Variants in CYP26A1 observed in about 807,000 individuals in gnomAD.
CYP26A1 encodes cytochrome P450 family 26 subfamily A member 1, also known as cytochrome P450 26A1.
A neutral mutation model predicts 47.4 loss-of-function variants in CYP26A1; 46 were observed. The observed-to-expected ratio is 0.97, with a 90% confidence interval of 0.77 to 1.24. The LOEUF (loss-of-function observed/expected upper bound fraction) is 1.24, where lower values mean the gene tolerates loss of function less well. Among genes scored for constraint, CYP26A1 ranks in the 50% most tolerant of loss-of-function variants. The probability of loss-of-function intolerance (pLI) is 0.00; values close to 1 mark genes in which losing one functional copy is unlikely to be tolerated. For missense variants in CYP26A1, 680 were observed against 644.4 expected (o/e 1.06, Z -0.60); for synonymous variants, 277 against 263.7 (o/e 1.05, Z -0.49).
chr10:93,077,326 G>T lies in CYP26A1; in HGVS notation c.*22G>T. ...CTGATGAGCTTGAATGTTCAAACCT[G>T]AGACTTATTGGAAGTGTACATATGA... On this transcript the variant is annotated 3_prime_UTR_variant, in exon 7 of 7. Transcript: ENST00000224356. 1 of 1,393,736 alleles carries T rather than the reference G, an allele frequency of 7.2e-7. No homozygotes were observed. The highest frequency in any genetic ancestry group is 9.7e-7 in the Non-Finnish European group (1 of 1,033,254). The allele number at this position is 1,393,736 out of a possible 1,614,324, so 86.3% of individuals were successfully genotyped here.
chr10:93,073,999 T>G lies in CYP26A1; in HGVS notation c.65T>G (p.Leu22Arg). The change falls in exon 1 of 7, where the codon CTG becomes CGG. Residue 22 changes from leucine to arginine, a missense_variant. By Grantham distance (102) the Leu-to-Arg change is moderately radical (BLOSUM62 -2). Coordinates refer to ENST00000224356, the MANE Select transcript of CYP26A1 (RefSeq NM_000783.4). ...TTCGTGCTGCCGCTGCTGCTCTTCC[T>G]GGCTGCGATCAAGCTCTGGGACCTG... Reference protein sequence around the residue: ...CTFVLPLLLFLAAIKLWDLYC... With the variant: ...CTFVLPLLLFRAAIKLWDLYC... The G allele has an allele frequency of 6.3e-7, 1 of 1,582,188 alleles. No homozygotes were observed.
chr10:93,075,166 C>A lies in CYP26A1; in HGVS notation c.723C>A (p.Asn241Lys). 1.2e-6 allele frequency: 2 copies of A among 1,613,592 alleles called. No individual in the cohort carries two copies. Among genetic ancestry groups the A allele is most frequent in the Non-Finnish European group, 1.7e-6 (2 of 1,179,912 alleles). Residue 241 changes from asparagine to lysine, a missense_variant, in exon 4 of 7, where the codon AAC (asparagine) becomes AAA (lysine). Physicochemically the swap from Asn to Lys is moderately conservative, Grantham distance 94. Coordinates refer to ENST00000224356, the MANE Select transcript of CYP26A1 (RefSeq NM_000783.4). The stretch of plus-strand genomic sequence containing the variant: ...GCGCTCAGGGCATGAAGGCGCGGAA[C>A]CTCATTCACGCGCGCATCGAGCAGA... ...SGLYRGMKAR[N>K]LIHARIEQNI...
intron 5 of CYP26A1, 146 bp downstream of exon 5, chr10:93,076,106 T>C: frequency 1.6e-6 from 1 of 638,488 alleles, no homozygotes. Flanking sequence ...TGGGCAGAAT[T>C]AGCTTTGTGA....
At position 93,074,416 on chromosome 10, in the gene CYP26A1, A is replaced by G. The variant is rs1323983751; in HGVS notation, c.298A>G (p.Ile100Val). 1.2e-6 allele frequency: 2 copies of G among 1,612,038 alleles called. No individual in the cohort carries two copies. Among genetic ancestry groups the G allele is most frequent in the East Asian group, 2.2e-5 (1 of 44,864 alleles). The change falls in exon 2 of 7, where the codon ATC (isoleucine) becomes GTC (valine). Residue 100 changes from isoleucine to valine, a missense_variant. By Grantham distance (29) the Ile-to-Val change is conservative (BLOSUM62 3). Coordinates refer to ENST00000224356, the MANE Select transcript of CYP26A1 (RefSeq NM_000783.4). The surrounding 1 kb of genome is among the most constrained non-coding windows in gnomAD (Gnocchi z 5.3). ...RVMGADNVRR[I>V]LLGEHRLVSV... ...GATGGGCGCGGACAATGTGCGGCGCATCTTGCTCGGAGAGCACCGGCTGGT... is the reference window on the plus strand; with the variant it reads ...GATGGGCGCGGACAATGTGCGGCGCGTCTTGCTCGGAGAGCACCGGCTGGT...
At position 93,074,940 on chromosome 10, in the gene CYP26A1, C is replaced by A. The variant is rs1846953607; in HGVS notation, c.576C>A (p.Ile192=). 3.7e-6 allele frequency: 6 copies of A among 1,613,322 alleles called. No individual in the cohort carries two copies. In the East Asian group the frequency reaches 1.3e-4, roughly 36 times the overall value. Residue 192 remains isoleucine, a synonymous_variant, in exon 3 of 7, where the codon ATC becomes ATA. Transcript: ENST00000224356. This position sits in a 1 kb window ranked among gnomAD's most constrained non-coding sequence, Gnocchi z 5.3. ...KRLMFRIAMR[I]LLGCEPQLAG... is the part of the protein sequence containing the mutation. ...TCATGTTCCGAATCGCCATGCGCAT[C>A]CTACTGGGCTGCGAACCCCAACTGG... is the stretch of plus-strand genomic sequence containing the variant.
Position 93,074,667 on chromosome 10 carries a change from C to A in CYP26A1, c.415-112C>A. The A allele has an allele frequency of 8.8e-7, 1 of 1,133,654 alleles. No individual in the cohort carries two copies. The highest frequency in any genetic ancestry group is 1.3e-6 in the Non-Finnish European group (1 of 774,644). 70.2% of individuals were successfully genotyped at this position (1,133,654 alleles called of 1,614,324 possible). ...TCTGCCAGCTCCAGGTTAGCTTTCCCAGCTCGGAGAGTGCCATGTGTCTGG... is the reference window on the plus strand; with the variant it reads ...TCTGCCAGCTCCAGGTTAGCTTTCCAAGCTCGGAGAGTGCCATGTGTCTGG... On this transcript the variant is annotated intron_variant, in intron 2 of 6. Coordinates refer to ENST00000224356, the MANE Select transcript of CYP26A1 (RefSeq NM_000783.4). The surrounding 1 kb of genome is among the most constrained non-coding windows in gnomAD (Gnocchi z 5.3).
chr10:93,073,586 C>A (rs1463131837), upstream of CYP26A1: 3 of 300,966 alleles, frequency 1.0e-5, no homozygotes, highest in African/African-American at 4.4e-5. Flanking sequence ...CTTGGAATTC[C>A]GGCTCCTCGG....
chr10:93,075,643 C>T, intron 4 of CYP26A1, 183 bp from the exon 5 acceptor site: 1 of 595,544 alleles, frequency 1.7e-6, no homozygotes, highest in Non-Finnish European at 3.0e-6. Context: ...ACTCGCCTTA[C>T]TGCTCCAGCT....
At chr10:93,076,417 C>G (rs1196700445) in intron 5 of CYP26A1, 127 bp from the exon 6 acceptor site, 1 of 641,132 alleles carries the variant, frequency 1.6e-6, no homozygotes, top group South Asian at 2.2e-5. Context: ...TGCTGTTTCC[C>G]CCTCCCAGTC....
Position 93,074,826 on chromosome 10 carries a change from G to A in CYP26A1, c.462G>A (p.Pro154=), listed in dbSNP as rs752818686. ...FSREALECYV[P]VITEEVGSSL... is the part of the protein sequence containing the mutation. ...GCGAGGCACTCGAATGCTACGTGCCGGTGATCACCGAGGAAGTGGGCAGCA... is the reference window on the plus strand; with the variant it reads ...GCGAGGCACTCGAATGCTACGTGCCAGTGATCACCGAGGAAGTGGGCAGCA... Residue 154 remains proline, a synonymous_variant, in exon 3 of 7, where the codon CCG becomes CCA. Transcript: ENST00000224356. This position sits in a 1 kb window ranked among gnomAD's most constrained non-coding sequence, Gnocchi z 5.3. The A allele has an allele frequency of 1.1e-5, 18 of 1,610,644 alleles. No homozygotes were observed. Among genetic ancestry groups the A allele is most frequent in the East Asian group, 6.7e-5 (3 of 44,886 alleles).
chr10:93,074,233 A>C lies in CYP26A1; in HGVS notation c.190-75A>C. 1 of 1,529,262 alleles carries C rather than the reference A, an allele frequency of 6.5e-7. No individual in the cohort carries two copies. The allele number at this position is 1,529,262 out of a possible 1,614,324, so 94.7% of individuals were successfully genotyped here. A position where few individuals can be genotyped will look rare whatever the true frequency, so the allele number is the denominator to read the frequency against. ...CGGGAGGCATGCTATTGCGGCTAGG[A>C]GCAGGGCTGGCGGGAGCGCGGCGCT... is the stretch of plus-strand genomic sequence containing the variant. On this transcript the variant is annotated intron_variant, in intron 1 of 6. Coordinates refer to ENST00000224356, the MANE Select transcript of CYP26A1 (RefSeq NM_000783.4). This position sits in a 1 kb window ranked among gnomAD's most constrained non-coding sequence, Gnocchi z 5.3.
Position 93,074,990 on chromosome 10 carries a change from A to T in CYP26A1, c.626A>T (p.Gln209Leu), listed in dbSNP as rs761957742. 6 of 1,613,092 alleles carry T rather than the reference A, an allele frequency of 3.7e-6. 1 individual carries two copies. The South Asian group carries it at 6.6e-5, about 18-fold the overall frequency. ...GCGGGCGACGGGGACTCCGAGCAGC[A>T]GCTTGTGGAGGCCTTCGAGGAAATG... ...QLAGDGDSEQ[Q>L]LVEAFEEMTR... The change falls in exon 3 of 7, where the codon CAG becomes CTG. Residue 209 changes from glutamine to leucine, a missense_variant. Transcript: ENST00000224356. The surrounding 1 kb of genome is among the most constrained non-coding windows in gnomAD (Gnocchi z 5.3).
At chr10:93,076,878 C>A in intron 6 of CYP26A1, 85 bp from the exon 7 acceptor site, 2 of 1,060,258 alleles carry the variant, frequency 1.9e-6, no homozygotes, top group Non-Finnish European at 2.8e-6. Context: ...CTCATAATTT[C>A]CCCCAAAGAT....
In CYP26A1 at chr10:93,073,901, C is replaced by G. The variant is rs1436545554; in HGVS notation, c.-34C>G. On this transcript the variant is annotated 5_prime_UTR_variant, in exon 1 of 7. Transcript: ENST00000224356. ...GCCGTGGGGTTTGAAGCGCTGGCGG[C>G]GGCGGCAGGTGGCGCGGGAGGTCGC... 2.7e-6 allele frequency: 2 copies of G among 737,528 alleles called. No homozygotes were observed. The highest frequency in any genetic ancestry group is 5.1e-5 in the East Asian group (2 of 39,004). 45.7% of individuals were successfully genotyped at this position (737,528 alleles called of 1,614,324 possible).
Position 93,074,758 on chromosome 10 carries a change from T to C in CYP26A1, c.415-21T>C, listed in dbSNP as rs376035271. ...AGGGGCGGATGGAGGCTTTTAACGC[T>C]GTCCCCTCCTCGGGACTCAGGTGAT... On this transcript the variant is annotated intron_variant, in intron 2 of 6. Coordinates refer to ENST00000224356, the MANE Select transcript of CYP26A1 (RefSeq NM_000783.4). This position sits in a 1 kb window ranked among gnomAD's most constrained non-coding sequence, Gnocchi z 5.3. The C allele has an allele frequency of 6.3e-7, 1 of 1,583,772 alleles. No individual in the cohort carries two copies. The highest frequency in any genetic ancestry group is 8.6e-7 in the Non-Finnish European group (1 of 1,168,230).
chr10:93,074,582 G>A lies in CYP26A1; in HGVS notation c.414+50G>A. 1 of 1,266,338 alleles carries A rather than the reference G, an allele frequency of 7.9e-7. No homozygotes were observed. Among genetic ancestry groups the A allele is most frequent in the Non-Finnish European group, 1.2e-6 (1 of 865,128 alleles). 78.4% of individuals were successfully genotyped at this position (1,266,338 alleles called of 1,614,324 possible). A position where few individuals can be genotyped will look rare whatever the true frequency, so the allele number is the denominator to read the frequency against. On this transcript the variant is annotated intron_variant, in intron 2 of 6. Transcript: ENST00000224356. This position sits in a 1 kb window ranked among gnomAD's most constrained non-coding sequence, Gnocchi z 5.3. ...ACAGGGAGGGGGACCCCATTTATGA[G>A]CGGAATTCCGGCTGATGGATGCTAG...
At position 93,074,759 on chromosome 10, in the gene CYP26A1, G is replaced by A. The variant is rs200286083; in HGVS notation, c.415-20G>A. On this transcript the variant is annotated intron_variant, in intron 2 of 6. Coordinates refer to ENST00000224356, the MANE Select transcript of CYP26A1 (RefSeq NM_000783.4). This position sits in a 1 kb window ranked among gnomAD's most constrained non-coding sequence, Gnocchi z 5.3. The stretch of plus-strand genomic sequence containing the variant: ...GGGGCGGATGGAGGCTTTTAACGCT[G>A]TCCCCTCCTCGGGACTCAGGTGATT... 85 of 1,585,128 alleles carry A rather than the reference G, an allele frequency of 5.4e-5. No homozygotes were observed. The African/African-American group carries it at 1.1e-3, about 21-fold the overall frequency.
chr10:93,075,293 C>T lies in CYP26A1; in HGVS notation c.850C>T (p.Arg284Trp). The T allele has an allele frequency of 6.2e-7, 1 of 1,613,778 alleles. No homozygotes were observed. The highest frequency in any genetic ancestry group is 1.3e-5 in the African/African-American group (1 of 75,070). Residue 284 changes from arginine to tryptophan, a missense_variant, in exon 4 of 7, where the codon CGG becomes TGG. Coordinates refer to ENST00000224356, the MANE Select transcript of CYP26A1 (RefSeq NM_000783.4). ...CGAGCACTCGTGGGAGAGGGGAGAG[C>T]GGCTGGACATGCAGGTGAGTAGCAG... ...LIEHSWERGE[R>W]LDMQALKQSS...
Position 93,074,876 on chromosome 10 carries a change from G to C in CYP26A1, c.512G>C (p.Gly171Ala), listed in dbSNP as rs1300797016. Residue 171 changes from glycine (G) to alanine (A), a missense_variant, in exon 3 of 7, where the codon GGC becomes GCC. Coordinates refer to ENST00000224356, the MANE Select transcript of CYP26A1 (RefSeq NM_000783.4). This position sits in a 1 kb window ranked among gnomAD's most constrained non-coding sequence, Gnocchi z 5.3. ...GSSLEQWLSC[G>A]ERGLLVYPEV... ...AGCCTGGAGCAGTGGCTGAGCTGCG[G>C]CGAGCGCGGCCTCCTGGTCTACCCC... 6.2e-6 allele frequency: 10 copies of C among 1,612,844 alleles called. No homozygotes were observed. Among genetic ancestry groups the C allele is most frequent in the Non-Finnish European group, 8.5e-6 (10 of 1,180,022 alleles).
Sources: gnomAD v4.1 joint callset for allele counts on GRCh38, gnomAD v4.1.1 for gene constraint, Gnocchi (gnomAD v3.1) non-coding constraint, MANE v1.5 for transcripts, NCBI Gene and HGNC (gene_info 2026-07-23, HGNC 2026-07-21) for gene names.